Variants in ABTB1 observed in about 807,000 individuals in gnomAD.
The protein encoded by ABTB1 is ankyrin repeat and BTB domain containing 1, also known as ankyrin repeat and BTB/POZ domain-containing protein 1.
Under a neutral mutation model 57.1 loss-of-function variants are expected in ABTB1, and 45 were observed. That is an observed-to-expected ratio of 0.79 (90% CI 0.62 to 1.01). The LOEUF (loss-of-function observed/expected upper bound fraction) is 1.01. Ranked by LOEUF, ABTB1 falls within the 50% of genes least tolerant of loss-of-function variation. The probability of loss-of-function intolerance (pLI) is 0.00; values close to 1 mark genes in which losing one functional copy is unlikely to be tolerated. For synonymous variants in ABTB1, 302 were observed against 275.4 expected, an observed-to-expected ratio of 1.10 and a Z score of -0.95; for missense variants, 630 against 666.3, an observed-to-expected ratio of 0.95 and a Z score of 0.60.
Position 127,676,812 on chromosome 3 carries a change from G to A in ABTB1, c.527-155G>A, listed in dbSNP as rs898843946. The A allele has an allele frequency of 2.3e-6, 2 of 877,986 alleles. No homozygotes were observed. Among genetic ancestry groups the A allele is most frequent in the Non-Finnish European group, 3.5e-6 (2 of 577,812 alleles). The allele number at this position is 877,986 out of a possible 1,614,324, so 54.4% of individuals were successfully genotyped here. On this transcript the variant is annotated intron_variant, in intron 6 of 11. Transcript: ENST00000232744. This position sits in a 1 kb window ranked among gnomAD's most constrained non-coding sequence, Gnocchi z 5.4. Reference sequence around the variant, plus strand: ...CCCTCCCATCTGTTCCCTGGGGCCTGTAGAACAGCTTTTGATGGGGAAACC... The same window carrying A: ...CCCTCCCATCTGTTCCCTGGGGCCTATAGAACAGCTTTTGATGGGGAAACC...
chr3:127,674,708 G>A, intron 3 of ABTB1, 108 bp downstream of exon 3: 1 of 1,332,542 alleles, frequency 7.5e-7, no homozygotes, highest in Non-Finnish European at 1.1e-6. Context: ...CATTTGCAAA[G>A]CACCACGATT....
Position 127,676,826 on chromosome 3 carries a change from G to A in ABTB1, c.527-141G>A. ...CCCTGGGGCCTGTAGAACAGCTTTTGATGGGGAAACCATGGTGGCAAGTGG... is the reference window on the plus strand; with the variant it reads ...CCCTGGGGCCTGTAGAACAGCTTTTAATGGGGAAACCATGGTGGCAAGTGG... On this transcript the variant is annotated intron_variant, in intron 6 of 11. Transcript: ENST00000232744. This position sits in a 1 kb window ranked among gnomAD's most constrained non-coding sequence, Gnocchi z 5.4. 1.1e-6 allele frequency: 1 copy of A among 931,838 alleles called. No homozygotes were observed. The highest frequency in any genetic ancestry group is 1.6e-5 in the South Asian group (1 of 61,472). 57.7% of individuals were successfully genotyped at this position (931,838 alleles called of 1,614,324 possible). A position where few individuals can be genotyped will look rare whatever the true frequency, so the allele number is the denominator to read the frequency against.
chr3:127,676,075 C>T lies in ABTB1; in HGVS notation c.281C>T (p.Ser94Phe). 1 of 1,613,392 alleles carries T rather than the reference C, an allele frequency of 6.2e-7. No individual in the cohort carries two copies. Residue 94 changes from serine (S) to phenylalanine (F), a missense_variant, in exon 4 of 12, where the codon TCC (serine) becomes TTC (phenylalanine). By Grantham distance (155) the Ser-to-Phe change is radical. Transcript: ENST00000232744. The surrounding 1 kb of genome is among the most constrained non-coding windows in gnomAD (Gnocchi z 5.4). ...CGCGATTACAAGCAGGTCACGGCTT[C>T]CTGCAGGAGGCGGGATTACTATGAC... ...ALRDYKQVTA[S>F]CRRRDYYDDF... is the part of the protein sequence containing the mutation.
At chr3:127,674,331 G>A in intron 1 of ABTB1, 60 bp from the exon 2 acceptor site, 1 of 1,566,882 alleles carries the variant, frequency 6.4e-7, no homozygotes, top group Non-Finnish European at 8.7e-7. Context: ...CTTTCCACGG[G>A]CCTTCTTTCT....
chr3:127,674,655 G>A lies in ABTB1; in HGVS notation c.175+55G>A. On this transcript the variant is annotated intron_variant, in intron 3 of 11. Transcript: ENST00000232744. Reference sequence around the variant, plus strand: ...TGCGTGGGTGCATGCATGTGTGCGTGTGGGTGCATGCATGCGTGCGTGCAT... The same window carrying A: ...TGCGTGGGTGCATGCATGTGTGCGTATGGGTGCATGCATGCGTGCGTGCAT... 5.6e-6 allele frequency: 9 copies of A among 1,598,076 alleles called. No homozygotes were observed. The South Asian group carries it at 8.8e-5, about 16-fold the overall frequency.
At position 127,672,962 on chromosome 3, in the gene ABTB1, A is replaced by C; in HGVS notation, c.-64A>C. On this transcript the variant is annotated 5_prime_UTR_variant, in exon 1 of 12. Coordinates refer to ENST00000232744, the MANE Select transcript of ABTB1 (RefSeq NM_172027.3). ...GGGCGGGGCGGGGCTGAGCGTGTTT[A>C]CATCCGCCGGGTGCGCGGCTTCGCC... is the stretch of plus-strand genomic sequence containing the variant. The C allele has an allele frequency of 1.5e-5, 22 of 1,499,318 alleles. No individual in the cohort carries two copies. Among genetic ancestry groups the C allele is most frequent in the Non-Finnish European group, 1.8e-5 (20 of 1,118,454 alleles). 92.9% of individuals were successfully genotyped at this position (1,499,318 alleles called of 1,614,324 possible).
rs368348243 is a variant in ABTB1, at chr3:127,676,544, C to T, written c.489C>T (p.Pro163=). ...VVVLRHPLIN[P]VAFGALLQYL... is the part of the protein sequence containing the mutation. ...TGGTTTTCTGCCCACAGATCAACCC[C>T]GTGGCCTTTGGGGCCCTGCTGCAGT... The change falls in exon 6 of 12, where the codon CCC becomes CCT. Residue 163 remains proline, a synonymous_variant. Transcript: ENST00000232744. This position sits in a 1 kb window ranked among gnomAD's most constrained non-coding sequence, Gnocchi z 5.4. The T allele has an allele frequency of 1.7e-5, 28 of 1,614,008 alleles. No individual in the cohort carries two copies. Among genetic ancestry groups the T allele is most frequent in the African/African-American group, 1.5e-4 (11 of 74,906 alleles).
chr3:127,674,651 G>A (rs775461361), intron 3 of ABTB1, 51 bp downstream of exon 3: 1 of 1,605,000 alleles, frequency 6.2e-7, no homozygotes, highest in East Asian at 2.2e-5. Flanking sequence ...ATGCATGTGT[G>A]CGTGTGGGTG....
In ABTB1 at chr3:127,677,785, G is replaced by T; in HGVS notation, c.971G>T (p.Gly324Val). The change falls in exon 10 of 12, where the codon GGC becomes GTC. Residue 324 changes from glycine to valine, a missense_variant. Around this residue, in one of 3 missense-constraint regions of ABTB1, gnomAD observed 579 missense variants for 585.9 expected, o/e 0.99. Coordinates refer to ENST00000232744, the MANE Select transcript of ABTB1 (RefSeq NM_172027.3). ...GGCCCCCCAGCCGTCACCCTGCATG[G>T]CATCTCACCCGACGTCTTCACTCAC... ...SGGPPAVTLH[G>V]ISPDVFTHVL... The T allele has an allele frequency of 1.2e-6, 2 of 1,612,582 alleles. No individual in the cohort carries two copies. The highest frequency in any genetic ancestry group is 1.7e-6 in the Non-Finnish European group (2 of 1,179,634).
At chr3:127,679,837 A>G in intron 10 of ABTB1, 148 bp from the exon 11 acceptor site, 1 of 259,750 alleles carries the variant, frequency 3.8e-6, no homozygotes, top group South Asian at 3.4e-5. Flanking sequence ...CCCGACCCCC[A>G]ACCCCATACA....
rs761024155 is a variant in ABTB1 at position 127,680,923 on chromosome 3, A to G, written c.*448A>G. On this transcript the variant is annotated 3_prime_UTR_variant, in exon 12 of 12. Coordinates refer to ENST00000232744, the MANE Select transcript of ABTB1 (RefSeq NM_172027.3). ...TAAAGCTTGAAGGCACCGTGGGAGC[A>G]TGAGCCTGTGTCCTGGGGTACAGCT... The G allele has an allele frequency of 2.0e-6, 1 of 510,814 alleles. No individual in the cohort carries two copies. Among genetic ancestry groups the G allele is most frequent in the Non-Finnish European group, 3.4e-6 (1 of 290,454 alleles). 31.6% of individuals were successfully genotyped at this position (510,814 alleles called of 1,614,324 possible). A position where few individuals can be genotyped will look rare whatever the true frequency, so the allele number is the denominator to read the frequency against.
chr3:127,676,695 C>A lies in ABTB1; in HGVS notation c.526+114C>A. The A allele has an allele frequency of 4.3e-6, 6 of 1,397,738 alleles. No individual in the cohort carries two copies. The highest frequency in any genetic ancestry group is 6.0e-6 in the Non-Finnish European group (6 of 1,007,258). The allele number at this position is 1,397,738 out of a possible 1,614,324, so 86.6% of individuals were successfully genotyped here. On this transcript the variant is annotated intron_variant, in intron 6 of 11. Coordinates refer to ENST00000232744, the MANE Select transcript of ABTB1 (RefSeq NM_172027.3). The surrounding 1 kb of genome is among the most constrained non-coding windows in gnomAD (Gnocchi z 5.4). The stretch of plus-strand genomic sequence containing the variant: ...ACCTCTAGACACTTCATGGTCCCCC[C>A]GGGGTGGTTCCAGCTGCCTCTCGGG...
intron 10 of ABTB1, 22 bp from the exon 11 acceptor site, chr3:127,679,963 T>TTCA (rs1462119653): frequency 6.2e-7 from 1 of 1,611,924 alleles, no homozygotes. Flanking sequence ...GGGGGGCACC[T>TTCA]TCATCCCTGT....
Position 127,677,460 on chromosome 3 carries a change from C to T in ABTB1, c.763-5C>T. On this transcript the variant is annotated splice_polypyrimidine_tract_variant and splice_region_variant and intron_variant, in intron 8 of 11. Coordinates refer to ENST00000232744, the MANE Select transcript of ABTB1 (RefSeq NM_172027.3). ...TCTGATGGGGTCACCTCTTCTGTAC[C>T]CCAGGGTGATCTTTGGGAGCTGCCC... The T allele has an allele frequency of 6.2e-7, 1 of 1,614,050 alleles. No individual in the cohort carries two copies. The highest frequency in any genetic ancestry group is 8.5e-7 in the Non-Finnish European group (1 of 1,179,984).
At position 127,673,099 on chromosome 3, in the gene ABTB1, C is replaced by A. The variant is rs761955405; in HGVS notation, c.56+18C>A. The A allele has an allele frequency of 2.6e-6, 4 of 1,539,802 alleles. No individual in the cohort carries two copies. The highest frequency in any genetic ancestry group is 3.5e-6 in the Non-Finnish European group (4 of 1,143,196). On this transcript the variant is annotated intron_variant, in intron 1 of 11. Transcript: ENST00000232744. Reference sequence around the variant, plus strand: ...CGAGTGCGGTGAGGACCTCGCAGTCCCGGGGAGGGTGCGGGAGGTGGCCGC... The same window carrying A: ...CGAGTGCGGTGAGGACCTCGCAGTCACGGGGAGGGTGCGGGAGGTGGCCGC...
Position 127,676,864 on chromosome 3 carries a change from T to C in ABTB1, c.527-103T>C, listed in dbSNP as rs1254384289. On this transcript the variant is annotated intron_variant, in intron 6 of 11. Transcript: ENST00000232744. This position sits in a 1 kb window ranked among gnomAD's most constrained non-coding sequence, Gnocchi z 5.4. ...TGGTGGCAAGTGGGCCCAGGAGTCC[T>C]AGTCCTGCAGCCAGGTGGCCAGGTG... is the stretch of plus-strand genomic sequence containing the variant. 2.5e-6 allele frequency: 3 copies of C among 1,189,302 alleles called. No homozygotes were observed. The highest frequency in any genetic ancestry group is 3.6e-6 in the Non-Finnish European group (3 of 834,056). The allele number at this position is 1,189,302 out of a possible 1,614,324, so 73.7% of individuals were successfully genotyped here. A position where few individuals can be genotyped will look rare whatever the true frequency, so the allele number is the denominator to read the frequency against.
intron 1 of ABTB1, chr3:127,674,176 G>A (rs2074920335): frequency 1.7e-6 from 1 of 598,910 alleles, no homozygotes; most frequent in Non-Finnish European, 3.0e-6. Flanking sequence ...AGCACTGATA[G>A]CACACAGTGT....
In ABTB1 at chr3:127,680,135, G is replaced by A; in HGVS notation, c.1180G>A (p.Ala394Thr). ...GCGCGTGGCCAAGCTCTTCCGCCTGGCGCGGCTTGAGGACCAGTGCACTGA... is the reference window on the plus strand; with the variant it reads ...GCGCGTGGCCAAGCTCTTCCGCCTGACGCGGCTTGAGGACCAGTGCACTGA... The part of the protein sequence containing the change: ...VWRVAKLFRL[A>T]RLEDQCTEYM... Residue 394 changes from alanine (A) to threonine (T), a missense_variant, in exon 11 of 12, where the codon GCG becomes ACG. This residue lies in a region of ABTB1 where 579 missense variants were observed against 585.9 expected (regional missense o/e 0.99). Transcript: ENST00000232744. 6.2e-7 allele frequency: 1 copy of A among 1,613,980 alleles called. No individual in the cohort carries two copies. The highest frequency in any genetic ancestry group is 2.2e-5 in the East Asian group (1 of 44,882).
chr3:127,679,889 G>A, intron 10 of ABTB1, 96 bp from the exon 11 acceptor site: 1 of 1,255,462 alleles, frequency 8.0e-7, no homozygotes, highest in Non-Finnish European at 1.1e-6. Context: ...CTTCCCGCCA[G>A]TGCCCCCCAA....
Sources: allele counts gnomAD v4.1 joint callset, GRCh38; gene constraint gnomAD v4.1.1; regional missense constraint gnomAD v4.1.1; non-coding constraint Gnocchi (gnomAD v3.1); transcripts MANE v1.5; gene names NCBI Gene and HGNC (gene_info 2026-07-23, HGNC 2026-07-21).